DENND1A: variants seen among roughly 807,000 people sequenced by gnomAD.
DENND1A encodes DENN domain-containing protein 1A.
In DENND1A, 51 loss-of-function variants were observed where a neutral mutation model predicts 113.7. That is an observed-to-expected ratio of 0.45 (90% CI 0.36 to 0.57). The LOEUF is 0.57. Among genes scored for constraint, DENND1A ranks in the 20% least tolerant of loss-of-function variants. The probability of loss-of-function intolerance (pLI) is 0.00; values close to 1 mark genes in which losing one functional copy is unlikely to be tolerated. For synonymous variants in DENND1A, 565 were observed against 570.8 expected (o/e 0.99, Z 0.14); for missense variants, 1,258 against 1,395.9 (o/e 0.90, Z 1.57).
chr9:123,513,708 T>G (rs981428822), intron 13 of DENND1A, among the ~76,000 whole-genome samples: 2 of 152,230 alleles, frequency 1.3e-5, no homozygotes, highest in African/African-American at 4.8e-5. Flanking sequence ...TTGCTCTTGA[T>G]GACTGACAGG....
chr9:123,643,428 T>C (rs1295427010), intron 9 of DENND1A, among the ~76,000 whole-genome samples: 1 of 152,234 alleles, frequency 6.6e-6, no homozygotes, highest in Non-Finnish European at 1.5e-5. Flanking sequence ...TAAATATGCC[T>C]TTGTCATTAT....
chr9:123,917,964 A>AT (rs1855477886), intron 1 of DENND1A, among the ~76,000 whole-genome samples: 1 of 149,220 alleles, frequency 6.7e-6, no homozygotes. Context: ...CAAAAAAAAA[A>AT]TTAGCCGGGC....
chr9:123,819,935 A>T (rs1456124091), intron 2 of DENND1A, among the ~76,000 whole-genome samples: 1 of 152,248 alleles, frequency 6.6e-6, no homozygotes, highest in East Asian at 1.9e-4. Flanking sequence ...TAAAATTTTA[A>T]GAAATAAATG....
chr9:123,397,784 G>A (rs563697626), intron 21 of DENND1A, among the ~76,000 whole-genome samples: 6 of 152,278 alleles, frequency 3.9e-5, no homozygotes, highest in East Asian at 1.9e-4. Context: ...TCAGGCTACC[G>A]GGTAATTTTT....
At chr9:123,395,821 C>T (rs972278699) in intron 21 of DENND1A, among the ~76,000 whole-genome samples, 16 of 152,168 alleles carry the variant, frequency 1.1e-4, no homozygotes, top group African/African-American at 3.6e-4. Flanking sequence ...CGCCCCTACC[C>T]CGCCTCCCAG....
chr9:123,827,499 C>T lies in DENND1A; in HGVS notation c.89-34869G>A, dbSNP rs139700893. Among the ~76,000 whole-genome samples the T allele has an allele frequency of 6.1e-3, 930 of 151,564 alleles. 9 individuals are homozygous for T. Among genetic ancestry groups the T allele is most frequent in the African/African-American group, 0.021 (854 of 41,304 alleles). On this transcript the variant is annotated intron_variant, in intron 2 of 23. Transcript: ENST00000394215. ...TCATGCCACTGCACTCCAGCCTGGG[C>T]AACCAGAGTGAGACCTTGTCACACA...
intron 5 of DENND1A, among the ~76,000 whole-genome samples, chr9:123,677,638 T>C (rs1436342348): frequency 6.6e-6 from 1 of 152,208 alleles, no homozygotes; most frequent in South Asian, 2.1e-4. Flanking sequence ...TTCACCATAC[T>C]GGCCAGGCTG....
intron 1 of DENND1A, among the ~76,000 whole-genome samples, chr9:123,907,826 CACAG>C (rs1853167773): frequency 1.2e-5 from 1 of 86,302 alleles, no homozygotes; most frequent in African/African-American, 5.2e-5. Context: ...TGACTTTCTT[CACAG>C]AATTGGAAAA....
intron 5 of DENND1A, among the ~76,000 whole-genome samples, chr9:123,717,570 G>A (rs919721350): frequency 2.6e-5 from 4 of 152,162 alleles, no homozygotes; most frequent in Admixed American, 6.5e-5. Flanking sequence ...CTGAGAAATG[G>A]AATTATTCTA....
intron 1 of DENND1A, among the ~76,000 whole-genome samples, chr9:123,910,387 T>TA (rs751319564): frequency 2.0e-5 from 3 of 152,210 alleles, no homozygotes; most frequent in Non-Finnish European, 2.9e-5. Flanking sequence ...TGATAAATGT[T>TA]AAGTCAAATG....
chr9:123,534,526 A>T (rs2055573236), intron 13 of DENND1A, among the ~76,000 whole-genome samples: 1 of 152,258 alleles, frequency 6.6e-6, no homozygotes. Flanking sequence ...TAAATGTGCA[A>T]GAGTTTCAAC....
At chr9:123,546,536 A>G (rs2056710158) in intron 13 of DENND1A, among the ~76,000 whole-genome samples, 1 of 150,706 alleles carries the variant, frequency 6.6e-6, no homozygotes, top group African/African-American at 2.4e-5. Context: ...TGGGTGACAG[A>G]GCGAGACTCC....
chr9:123,675,839 T>C (rs2064045279), intron 6 of DENND1A, among the ~76,000 whole-genome samples: 1 of 152,250 alleles, frequency 6.6e-6, no homozygotes. Flanking sequence ...TTAAAAATGT[T>C]TATGTCCACT....
chr9:123,804,261 C>T (rs1835170487), intron 2 of DENND1A, among the ~76,000 whole-genome samples: 1 of 152,214 alleles, frequency 6.6e-6, no homozygotes, highest in African/African-American at 2.4e-5. Context: ...TTGCCTTCTA[C>T]CATGATTGTG....
intron 2 of DENND1A, among the ~76,000 whole-genome samples, chr9:123,865,275 C>T (rs1483400201): frequency 6.6e-6 from 1 of 152,210 alleles, no homozygotes; most frequent in African/African-American, 2.4e-5. Context: ...GCAGGCCCCA[C>T]GAAGCCTAAA....
intron 5 of DENND1A, among the ~76,000 whole-genome samples, chr9:123,709,754 A>G (rs890583513): frequency 6.6e-6 from 1 of 152,116 alleles, no homozygotes; most frequent in African/African-American, 2.4e-5. Flanking sequence ...AACTAGCCAC[A>G]CTCATGAAAG....
chr9:123,693,487 C>A (rs1462664430), intron 5 of DENND1A, among the ~76,000 whole-genome samples: 2 of 152,276 alleles, frequency 1.3e-5, no homozygotes, highest in Admixed American at 6.5e-5. Context: ...GCCCTGGCAA[C>A]CACTGATCTC....
At chr9:123,833,447 TA>T (rs1423905066) in intron 2 of DENND1A, among the ~76,000 whole-genome samples, 1 of 152,088 alleles carries the variant, frequency 6.6e-6, no homozygotes, top group Non-Finnish European at 1.5e-5. Flanking sequence ...ACAAATTCCT[TA>T]GGGGGGAGAA....
In DENND1A at chr9:123,609,495, C is replaced by T; in HGVS notation, c.720-14G>A. On this transcript the variant is annotated splice_polypyrimidine_tract_variant and intron_variant, in intron 10 of 23. Transcript: ENST00000394215. ...GGCATGGGAGCACTGTGAAGAGAAA[C>T]AGAGACACACAGCTGCTTTAATGTC... 2 of 1,611,678 alleles carry T rather than the reference C, an allele frequency of 1.2e-6. No homozygotes were observed. The highest frequency in any genetic ancestry group is 1.7e-6 in the Non-Finnish European group (2 of 1,178,792).
Sources: allele counts gnomAD v4.1 joint callset (sites outside exome capture counted in the v4.1 genomes callset), GRCh38; gene constraint gnomAD v4.1.1; transcripts MANE v1.5; gene names NCBI Gene and HGNC (gene_info 2026-07-23, HGNC 2026-07-21).